Variants in RBFOX1 observed in about 807,000 individuals in gnomAD.
RBFOX1 encodes RNA binding fox-1 homolog 1, also known as RNA binding protein fox-1 homolog 1.
A neutral mutation model predicts 57.7 loss-of-function variants in RBFOX1; 8 were observed. The observed-to-expected ratio is 0.14, with a 90% CI of 0.08 to 0.25. The LOEUF (loss-of-function observed/expected upper bound fraction) is 0.25. Ranked by LOEUF, RBFOX1 falls within the 10% of genes least tolerant of loss-of-function variation. The pLI is 1.00. For synonymous variants in RBFOX1, 326 were observed against 222.4 expected (o/e 1.47, Z -4.15); for missense variants, 611 against 548.5 (o/e 1.11, Z -1.14).
At chr16:5,910,680 C>T (rs1250725905) in intron 4 of RBFOX1, among the ~76,000 whole-genome samples, 1 of 152,186 alleles carries the variant, frequency 6.6e-6, no homozygotes, top group African/African-American at 2.4e-5. Context: ...TGTGTCTCTC[C>T]ATCAATGCCC....
intron 2 of RBFOX1, among the ~76,000 whole-genome samples, chr16:5,544,068 C>G (rs887999228): frequency 1.3e-5 from 2 of 152,098 alleles, no homozygotes; most frequent in Non-Finnish European, 2.9e-5. Context: ...CCAGTTTGAC[C>G]TAACTGAAGC....
chr16:6,998,917 G>T (rs1446339927), intron 3 of RBFOX1, among the ~76,000 whole-genome samples: 2 of 151,716 alleles, frequency 1.3e-5, no homozygotes, highest in African/African-American at 4.8e-5. Flanking sequence ...CACCCAGGCT[G>T]GAGTGCAGTG....
chr16:6,495,798 C>G (rs992804174), intron 2 of RBFOX1, among the ~76,000 whole-genome samples: 1 of 152,178 alleles, frequency 6.6e-6, no homozygotes, highest in Non-Finnish European at 1.5e-5. Flanking sequence ...ATGGCAAACT[C>G]AACACCCCTC....
intron 2 of RBFOX1, among the ~76,000 whole-genome samples, chr16:6,323,731 A>C (rs1428293244): frequency 6.6e-6 from 1 of 151,700 alleles, no homozygotes; most frequent in Non-Finnish European, 1.5e-5. Flanking sequence ...GGTTGCAAGT[A>C]CAGTTTCCAT....
chr16:7,396,189 G>C (rs915502888), intron 4 of RBFOX1, among the ~76,000 whole-genome samples: 1 of 152,086 alleles, frequency 6.6e-6, no homozygotes, highest in African/African-American at 2.4e-5. Flanking sequence ...TTTCCCTGGA[G>C]TTAGCAACCC....
At chr16:5,287,800 A>T (rs2063434466) in intron 1 of RBFOX1, among the ~76,000 whole-genome samples, 1 of 152,162 alleles carries the variant, frequency 6.6e-6, no homozygotes, top group African/African-American at 2.4e-5. Flanking sequence ...ACAGGACTAA[A>T]CCCAATATTA....
chr16:5,868,099 G>A (rs1020432884), intron 4 of RBFOX1, among the ~76,000 whole-genome samples: 1 of 152,212 alleles, frequency 6.6e-6, no homozygotes, highest in Non-Finnish European at 1.5e-5. Flanking sequence ...AAACGAAGCT[G>A]TTCAGAAGTC....
intron 1 of RBFOX1, among the ~76,000 whole-genome samples, chr16:5,434,409 C>T (rs998279613): frequency 6.3e-5 from 9 of 143,308 alleles, no homozygotes; most frequent in Admixed American, 5.3e-4. Flanking sequence ...GCAACCTCCA[C>T]CTCCCAAGTT....
chr16:6,316,949 G>C (rs1233338295), intron 1 of RBFOX1, 46 bp from the exon 2 acceptor site: 4 of 1,499,110 alleles, frequency 2.7e-6, no homozygotes, highest in Non-Finnish European at 3.6e-6. Flanking sequence ...CAAAATTCAA[G>C]AATACATTTC....
At chr16:6,670,229 A>G (rs914246497) in intron 3 of RBFOX1, among the ~76,000 whole-genome samples, 4 of 151,548 alleles carry the variant, frequency 2.6e-5, no homozygotes, top group Non-Finnish European at 5.9e-5. Context: ...ATGCCTGGCT[A>G]TGTTTTTTTT....
chr16:6,258,774 G>A (rs2097684123), intron 1 of RBFOX1, among the ~76,000 whole-genome samples: 2 of 152,114 alleles, frequency 1.3e-5, no homozygotes, highest in African/African-American at 4.8e-5. Flanking sequence ...TGGATTGTTT[G>A]CAACACAAGG....
At chr16:6,182,572 A>G (rs2097072352) in intron 1 of RBFOX1, among the ~76,000 whole-genome samples, 1 of 152,156 alleles carries the variant, frequency 6.6e-6, no homozygotes. Context: ...GAATTGGTCT[A>G]ATATTTACTT....
chr16:6,497,301 G>A (rs371545078), intron 2 of RBFOX1, among the ~76,000 whole-genome samples: 6 of 152,262 alleles, frequency 3.9e-5, no homozygotes, highest in African/African-American at 1.4e-4. Context: ...GCTGGGATGT[G>A]TGGGTCAAAG....
At chr16:7,255,590 C>A (rs941273469) in intron 4 of RBFOX1, among the ~76,000 whole-genome samples, 5 of 152,196 alleles carry the variant, frequency 3.3e-5, no homozygotes, top group African/African-American at 1.2e-4. Context: ...TATATTTGTG[C>A]ATGCATGGGC....
chr16:7,456,428 C>T (rs925563504), intron 4 of RBFOX1, among the ~76,000 whole-genome samples: 3 of 152,156 alleles, frequency 2.0e-5, no homozygotes, highest in South Asian at 2.1e-4. Flanking sequence ...CCAAAGTAAA[C>T]ACTAAGTACT....
At chr16:5,749,441 G>A (rs2053110074) in intron 3 of RBFOX1, among the ~76,000 whole-genome samples, 1 of 151,586 alleles carries the variant, frequency 6.6e-6, no homozygotes, top group South Asian at 2.1e-4. Flanking sequence ...AGTTCTCCTG[G>A]ATAATATCCT....
At chr16:7,403,275 A>G (rs1323857786) in intron 4 of RBFOX1, among the ~76,000 whole-genome samples, 1 of 152,118 alleles carries the variant, frequency 6.6e-6, no homozygotes, top group Non-Finnish European at 1.5e-5. Context: ...AACTTCAAGT[A>G]TACAATACAG....
At chr16:6,480,912 G>A (rs2095361943) in intron 2 of RBFOX1, among the ~76,000 whole-genome samples, 1 of 152,002 alleles carries the variant, frequency 6.6e-6, no homozygotes, top group Non-Finnish European at 1.5e-5. Context: ...CATATGATAT[G>A]CCATATTTTT....
At chr16:7,097,335 G>GA in intron 4 of RBFOX1, among the ~76,000 whole-genome samples, 1 of 152,186 alleles carries the variant, frequency 6.6e-6, no homozygotes, top group South Asian at 2.1e-4. Context: ...GAGAGAGAGA[G>GA]AGTTCTGAGA....
Sources: gnomAD v4.1 joint callset for allele counts (sites outside exome capture counted in the v4.1 genomes callset) on GRCh38, gnomAD v4.1.1 for gene constraint, MANE v1.5 for transcripts, NCBI Gene and HGNC (gene_info 2026-07-23, HGNC 2026-07-21) for gene names.